The following LRMDA variants were observed in gnomAD, a reference collection of about 807,000 sequenced individuals.
LRMDA encodes leucine-rich melanocyte differentiation-associated protein.
A neutral mutation model predicts 29.8 loss-of-function variants in LRMDA; 18 were observed. The observed-to-expected ratio is 0.60, with a 90% CI of 0.42 to 0.90. The LOEUF is 0.90. Ranked by LOEUF, LRMDA falls within the 40% of genes least tolerant of loss-of-function variation. The probability of loss-of-function intolerance (pLI) is 0.00; values close to 1 mark genes in which losing one functional copy is unlikely to be tolerated. For missense variants in LRMDA, 273 were observed against 273.9 expected (o/e 1.00, Z 0.02); for synonymous variants, 125 against 109.4 (o/e 1.14, Z -0.89).
At chr10:75,780,506 G>T (rs144873206) in intron 2 of LRMDA, among the ~76,000 whole-genome samples, 124 of 152,314 alleles carry the variant, frequency 8.1e-4, no homozygotes, top group African/African-American at 2.8e-3. Context: ...CAGGATCACT[G>T]CAGGTCAAAG....
At chr10:75,635,526 T>C (rs1020521708) in intron 2 of LRMDA, among the ~76,000 whole-genome samples, 1 of 152,184 alleles carries the variant, frequency 6.6e-6, no homozygotes, top group Non-Finnish European at 1.5e-5. Context: ...CTTAAAAACA[T>C]GTACCAGGAG....
rs190836594 is a variant in LRMDA, at chr10:75,846,240, G to A, written c.132-189768G>A. On this transcript the variant is annotated intron_variant, in intron 2 of 6. Transcript: ENST00000611255. ...GTATGAGCTTTTCTCTTTAAACTAA[G>A]CAGGATATAAGCAGACCCCACCCAG... 3.4e-3 allele frequency among the ~76,000 whole-genome samples: 510 copies of A among 148,742 alleles called. 5 individuals are homozygous for A. The highest frequency in any genetic ancestry group is 0.012 in the African/African-American group (474 of 40,480).
chr10:75,910,025 G>A (rs1270582327), intron 2 of LRMDA, among the ~76,000 whole-genome samples: 1 of 152,174 alleles, frequency 6.6e-6, no homozygotes, highest in African/African-American at 2.4e-5. Flanking sequence ...CTGAAACTTA[G>A]GAGGGACTGG....
intron 2 of LRMDA, among the ~76,000 whole-genome samples, chr10:75,478,721 A>G (rs369186996): frequency 3.3e-5 from 5 of 152,198 alleles, no homozygotes; most frequent in African/African-American, 9.7e-5. Context: ...TCAATAATAC[A>G]TAAGGATTTC....
rs1851673884 is a variant in LRMDA at position 76,213,604 on chromosome 10, G to A, written c.517-110797G>A. 2.0e-5 allele frequency among the ~76,000 whole-genome samples: 3 copies of A among 152,196 alleles called. No homozygotes were observed. In the South Asian group the frequency reaches 6.2e-4, roughly 31 times the overall value. On this transcript the variant is annotated intron_variant, in intron 5 of 6. Transcript: ENST00000611255. ...CATCACCTATGAAAGGAAAGATAAT[G>A]TCCCTTCAAAGGACTCCTCTAACAG...
At chr10:76,398,011 G>T (rs552325866) in intron 6 of LRMDA, among the ~76,000 whole-genome samples, 24 of 152,164 alleles carry the variant, frequency 1.6e-4, no homozygotes, top group African/African-American at 3.4e-4. Context: ...AGGTCAAAAT[G>T]ATTTACTTCT....
At chr10:76,045,600 C>T (rs1440161877) in intron 3 of LRMDA, among the ~76,000 whole-genome samples, 1 of 152,024 alleles carries the variant, frequency 6.6e-6, no homozygotes, top group Non-Finnish European at 1.5e-5. Context: ...AGCATGTGTA[C>T]AAAGAATGCT....
At position 75,440,943 on chromosome 10, in the gene LRMDA, A is replaced by C. The variant is rs574209349; in HGVS notation, c.131+2449A>C. On this transcript the variant is annotated intron_variant, in intron 2 of 6. Coordinates refer to ENST00000611255, the MANE Select transcript of LRMDA (RefSeq NM_001305581.2). ...TCCCAGCCACTTGGGAGGCTGAGGC[A>C]GGAGAATTGCTTGAACCTGGGAGGT... 4.5e-4 allele frequency among the ~76,000 whole-genome samples: 69 copies of C among 152,180 alleles called. 1 individual carries two copies. The highest frequency in any genetic ancestry group is 9.0e-4 in the Non-Finnish European group (61 of 68,036).
At chr10:76,525,692 T>C (rs11001804) in intron 6 of LRMDA, among the ~76,000 whole-genome samples, 50,376 of 151,996 alleles carry the variant, frequency 0.33, 8,904 homozygotes, top group African/African-American at 0.37. Flanking sequence ...GTCACTGTGT[T>C]AGTTGTTTTA....
At chr10:76,431,824 G>T (rs542217209) in intron 6 of LRMDA, among the ~76,000 whole-genome samples, 3 of 152,124 alleles carry the variant, frequency 2.0e-5, no homozygotes, top group Non-Finnish European at 2.9e-5. Context: ...GTGGTCTCCC[G>T]TGCTGTTCAC....
At chr10:76,224,693 C>T (rs1484053499) in intron 5 of LRMDA, among the ~76,000 whole-genome samples, 11 of 107,272 alleles carry the variant, frequency 1.0e-4, no homozygotes, top group South Asian at 3.4e-4. Flanking sequence ...TTTTTTTTAC[C>T]GGACAAAAAT....
chr10:75,888,431 T>C (rs1845427934), intron 2 of LRMDA, among the ~76,000 whole-genome samples: 2 of 152,210 alleles, frequency 1.3e-5, no homozygotes, highest in African/African-American at 2.4e-5. Flanking sequence ...CCGTTGTCAC[T>C]AGAAACTCCA....
chr10:75,652,598 G>A (rs555888139), intron 2 of LRMDA, among the ~76,000 whole-genome samples: 1 of 152,272 alleles, frequency 6.6e-6, no homozygotes, highest in East Asian at 1.9e-4. Flanking sequence ...TAATCTTTGG[G>A]TCTAGAACTG....
At chr10:76,442,442 A>G (rs1314281731) in intron 6 of LRMDA, among the ~76,000 whole-genome samples, 1 of 152,214 alleles carries the variant, frequency 6.6e-6, no homozygotes, top group African/African-American at 2.4e-5. Flanking sequence ...CTATAATCCT[A>G]GCGCTTTGGG....
intron 2 of LRMDA, among the ~76,000 whole-genome samples, chr10:75,647,082 C>T (rs1219757213): frequency 6.5e-5 from 2 of 30,910 alleles, no homozygotes; most frequent in African/African-American, 8.4e-5. Context: ...GCTTGCCCAA[C>T]GCTGCTTTTC....
At chr10:76,199,849 A>G (rs898379861) in intron 5 of LRMDA, among the ~76,000 whole-genome samples, 7 of 152,208 alleles carry the variant, frequency 4.6e-5, no homozygotes, top group Non-Finnish European at 7.3e-5. Flanking sequence ...AGCATCCTGA[A>G]TCTACAACAT....
At chr10:75,616,369 A>G (rs1307397601) in intron 2 of LRMDA, among the ~76,000 whole-genome samples, 1 of 152,216 alleles carries the variant, frequency 6.6e-6, no homozygotes, top group African/African-American at 2.4e-5. Context: ...GATTATTGCA[A>G]TTCAAGGTGA....
chr10:75,493,353 GTGTGTGTGT>G (rs1564785195), intron 2 of LRMDA, among the ~76,000 whole-genome samples: 3 of 147,820 alleles, frequency 2.0e-5, no homozygotes, highest in East Asian at 2.0e-4. Flanking sequence ...GATTGGGTGT[GTGTGTGTGT>G]GTGTGTGTGT....
rs2894319 is a variant in LRMDA at position 75,994,784 on chromosome 10, A to G, written c.132-41224A>G. 3.3e-3 allele frequency among the ~76,000 whole-genome samples: 496 copies of G among 152,340 alleles called. 3 individuals carry two copies. The highest frequency in any genetic ancestry group is 0.011 in the African/African-American group (472 of 41,582). On this transcript the variant is annotated intron_variant, in intron 2 of 6. Transcript: ENST00000611255. ...TCAAGAGCTTTCACACCGAAAAAAT[A>G]TGTCACATTAGCTTCCAAGTTTCTG...
Sources: allele counts gnomAD v4.1 joint callset (sites outside exome capture counted in the v4.1 genomes callset), GRCh38; gene constraint gnomAD v4.1.1; transcripts MANE v1.5; gene names NCBI Gene and HGNC (gene_info 2026-07-23, HGNC 2026-07-21).